RNF207: variants seen among roughly 807,000 people sequenced by gnomAD.
RNF207 encodes the protein ring finger protein 207, also known as OTTHUMG00000001089.
In RNF207, 72 loss-of-function variants were observed where a neutral mutation model predicts 79.0. That is an observed-to-expected ratio of 0.91 (90% CI 0.75 to 1.11). RNF207 has a LOEUF of 1.11. Ranked by LOEUF, RNF207 falls within the 50% of genes least tolerant of loss-of-function variation. The pLI is 0.00. For synonymous variants in RNF207, 348 were observed against 366.2 expected (o/e 0.95, Z 0.57); for missense variants, 936 against 855.8 (o/e 1.09, Z -1.17).
Position 6,214,149 on chromosome 1 carries a change from C to T in RNF207, c.1652+966C>T, listed in dbSNP as rs943985380. ...GAAATTCTAGATTGGGAAGGATTCTCCTTCAAAGGCATCGCTCTCTCGCTT... is the reference window on the plus strand; with the variant it reads ...GAAATTCTAGATTGGGAAGGATTCTTCTTCAAAGGCATCGCTCTCTCGCTT... On this transcript the variant is annotated intron_variant, in intron 16 of 17. Coordinates refer to ENST00000377939, the MANE Select transcript of RNF207 (RefSeq NM_207396.3). Among the ~76,000 whole-genome samples, 14 of 152,210 alleles carry T rather than the reference C, an allele frequency of 9.2e-5. 1 individual carries two copies. The highest frequency in any genetic ancestry group is 9.2e-4 in the Admixed American group (14 of 15,278).
intron 16 of RNF207, among the ~76,000 whole-genome samples, chr1:6,216,954 C>T (rs1287194775): frequency 6.6e-6 from 1 of 151,964 alleles, no homozygotes; most frequent in South Asian, 2.1e-4. Flanking sequence ...ACTGCAGCCG[C>T]GATCTCCCAG....
In RNF207 at chr1:6,210,514, G is replaced by A; in HGVS notation, c.942+76G>A. On this transcript the variant is annotated intron_variant, in intron 10 of 17. Coordinates refer to ENST00000377939, the MANE Select transcript of RNF207 (RefSeq NM_207396.3). ...CTGCAGACCAAAGCCACCAACTCAGGGGTGGGCAGCCTGTCACCTGGAGCC... is the reference window on the plus strand; with the variant it reads ...CTGCAGACCAAAGCCACCAACTCAGAGGTGGGCAGCCTGTCACCTGGAGCC... 1.2e-5 allele frequency: 14 copies of A among 1,202,604 alleles called. No individual in the cohort carries two copies. In the South Asian group the frequency reaches 1.8e-4, roughly 16 times the overall value. The allele number at this position is 1,202,604 out of a possible 1,614,324, so 74.5% of individuals were successfully genotyped here. A position where few individuals can be genotyped will look rare whatever the true frequency, so the allele number is the denominator to read the frequency against.
At position 6,211,086 on chromosome 1, in the gene RNF207, T is replaced by A; in HGVS notation, c.1077T>A (p.Arg359=). ...AGCCACTGCTGCTGCTGGGGCCACGTCGGGTGGCAGCTGCTGCAAGTGGTG... is the reference window on the plus strand; with the variant it reads ...AGCCACTGCTGCTGCTGGGGCCACGACGGGTGGCAGCTGCTGCAAGTGGTG... ...CLEPLLLLGP[R]RVAAAASGAN... is the part of the protein sequence containing the mutation. Residue 359 remains arginine (R), a synonymous_variant, in exon 12 of 18, where the codon CGT becomes CGA. Coordinates refer to ENST00000377939, the MANE Select transcript of RNF207 (RefSeq NM_207396.3). This position sits in a 1 kb window ranked among gnomAD's most constrained non-coding sequence, Gnocchi z 4.2. 3 of 1,603,092 alleles carry A rather than the reference T, an allele frequency of 1.9e-6. No homozygotes were observed. The highest frequency in any genetic ancestry group is 2.5e-6 in the Non-Finnish European group (3 of 1,178,368).
chr1:6,211,152 C>T lies in RNF207; in HGVS notation c.1109+34C>T. On this transcript the variant is annotated intron_variant, in intron 12 of 17. Transcript: ENST00000377939. This position sits in a 1 kb window ranked among gnomAD's most constrained non-coding sequence, Gnocchi z 4.2. ...CAACCGGGGAGGCCAGGCACAAGGT[C>T]CCCAACACTGGGGTGTGGGGGAGGG... 2 of 1,460,046 alleles carry T rather than the reference C, an allele frequency of 1.4e-6. No homozygotes were observed. Among genetic ancestry groups the T allele is most frequent in the Non-Finnish European group, 9.3e-7 (1 of 1,076,724 alleles). The allele number at this position is 1,460,046 out of a possible 1,614,324, so 90.4% of individuals were successfully genotyped here.
intron 1 of RNF207, 46 bp downstream of exon 1, chr1:6,206,348 C>T (rs942298467): frequency 4.1e-5 from 24 of 579,170 alleles, no homozygotes; most frequent in African/African-American, 3.4e-4. Flanking sequence ...TGCCTGTTCT[C>T]CCTGCGCCGG....
At position 6,218,310 on chromosome 1, in the gene RNF207, GCAGT is replaced by G. The variant is rs769136472; in HGVS notation, c.1678_1681del (p.Ser560ArgfsTer50). ...CCAGGTTTCAGGCACCCGTGGATGA[GCAGT>G]CAGAGAGTCTACAGAACACGCACGA... is the stretch of plus-strand genomic sequence containing the variant. On this transcript the variant is annotated frameshift_variant, in exon 17 of 18. Transcript: ENST00000377939. LOFTEE classifies it high-confidence loss of function. 2.2e-5 allele frequency: 35 copies of G among 1,613,918 alleles called. No individual in the cohort carries two copies. The highest frequency in any genetic ancestry group is 2.8e-5 in the Non-Finnish European group (33 of 1,179,888).
At position 6,209,909 on chromosome 1, in the gene RNF207, C is replaced by A. The variant is rs371543747; in HGVS notation, c.754-15C>A. On this transcript the variant is annotated splice_polypyrimidine_tract_variant and intron_variant, in intron 7 of 17. Transcript: ENST00000377939. ...CTGGGGCGCAAATCAAGAGCATGCTCGCCATCTCTCCCAGGACAGGCTGGC... is the reference window on the plus strand; with the variant it reads ...CTGGGGCGCAAATCAAGAGCATGCTAGCCATCTCTCCCAGGACAGGCTGGC... 1.5e-5 allele frequency: 23 copies of A among 1,573,948 alleles called. No individual in the cohort carries two copies. The South Asian group carries it at 2.5e-4, about 17-fold the overall frequency.
chr1:6,207,302 G>C lies in RNF207; in HGVS notation c.192-77G>C. 1.4e-6 allele frequency: 2 copies of C among 1,441,938 alleles called. No individual in the cohort carries two copies. The highest frequency in any genetic ancestry group is 1.4e-5 in the South Asian group (1 of 70,712). The allele number at this position is 1,441,938 out of a possible 1,614,324, so 89.3% of individuals were successfully genotyped here. ...CCCAACACAGCTATTTTTAGCTCCA[G>C]CCTGGAATGTGAGGGGTGGGGGTGG... On this transcript the variant is annotated intron_variant, in intron 2 of 17. Transcript: ENST00000377939. This position sits in a 1 kb window ranked among gnomAD's most constrained non-coding sequence, Gnocchi z 4.5.
chr1:6,207,323 G>T lies in RNF207; in HGVS notation c.192-56G>T. 6.7e-7 allele frequency: 1 copy of T among 1,492,096 alleles called. No individual in the cohort carries two copies. 92.4% of individuals were successfully genotyped at this position (1,492,096 alleles called of 1,614,324 possible). A position where few individuals can be genotyped will look rare whatever the true frequency, so the allele number is the denominator to read the frequency against. The stretch of plus-strand genomic sequence containing the variant: ...TCCAGCCTGGAATGTGAGGGGTGGG[G>T]GTGGGGAGCCCTGGGGAAGGGGTAT... On this transcript the variant is annotated intron_variant, in intron 2 of 17. Coordinates refer to ENST00000377939, the MANE Select transcript of RNF207 (RefSeq NM_207396.3). The surrounding 1 kb of genome is among the most constrained non-coding windows in gnomAD (Gnocchi z 4.5).
intron 14 of RNF207, 39 bp downstream of exon 14, chr1:6,212,455 C>T (rs779942716): frequency 1.3e-6 from 2 of 1,555,944 alleles, no homozygotes; most frequent in East Asian, 2.2e-5. Context: ...CCCCACCTGT[C>T]AGGGGATACC....
rs1177957543 is a variant in RNF207 at position 6,219,384 on chromosome 1, A to C, written c.1882A>C (p.Thr628Pro). The C allele has an allele frequency of 6.2e-7, 1 of 1,608,560 alleles. No individual in the cohort carries two copies. Among genetic ancestry groups the C allele is most frequent in the East Asian group, 2.2e-5 (1 of 44,816 alleles). The change falls in exon 18 of 18, where the codon ACA (threonine) becomes CCA (proline). Residue 628 changes from threonine to proline, a missense_variant. Thr to Pro is a conservative substitution (Grantham distance 38). Coordinates refer to ENST00000377939, the MANE Select transcript of RNF207 (RefSeq NM_207396.3). ...ACAGAAAAATGGGGGCGATGTCCCCACATGGAGGGAACACCCGACTTAGCA... is the reference window on the plus strand; with the variant it reads ...ACAGAAAAATGGGGGCGATGTCCCCCCATGGAGGGAACACCCGACTTAGCA... ...SKQKNGGDVP[T>P]WREHPT
Position 6,207,446 on chromosome 1 carries a change from G to A in RNF207, c.259G>A (p.Asp87Asn). 1.3e-6 allele frequency: 2 copies of A among 1,571,304 alleles called. No homozygotes were observed. The highest frequency in any genetic ancestry group is 1.7e-6 in the Non-Finnish European group (2 of 1,156,102). The change falls in exon 3 of 18, where the codon GAC becomes AAC. Residue 87 changes from aspartate (D) to asparagine (N), a missense_variant. Physicochemically the swap from Asp to Asn is conservative, Grantham distance 23 (BLOSUM62 1). Transcript: ENST00000377939. This position sits in a 1 kb window ranked among gnomAD's most constrained non-coding sequence, Gnocchi z 4.5. ...PVDRLLQFLVDSSGDGVEAVR... is the reference protein window; with the variant it reads ...PVDRLLQFLVNSSGDGVEAVR... ...GGACCGGCTGCTGCAGTTCCTGGTG[G>A]ACAGCTCAGGGGATGGCGTGGAGGC...
Position 6,209,323 on chromosome 1 carries a change from C to T in RNF207, c.607C>T (p.Arg203Trp). The change falls in exon 6 of 18, where the codon CGG (arginine) becomes TGG (tryptophan). Residue 203 changes from arginine to tryptophan, a missense_variant. Arg to Trp is a moderately radical substitution (Grantham distance 101). Transcript: ENST00000377939. ...LESAYVQGCE[R>W]LEQAVLAVKA... is the part of the protein sequence containing the mutation. ...ATCGGCTTACGTGCAGGGCTGCGAG[C>T]GGCTGGAGCAGGCGGTGCTGGTGAG... The T allele has an allele frequency of 6.5e-7, 1 of 1,546,156 alleles. No individual in the cohort carries two copies. Among genetic ancestry groups the T allele is most frequent in the Non-Finnish European group, 8.7e-7 (1 of 1,146,546 alleles).
Sources: allele counts gnomAD v4.1 joint callset (sites outside exome capture counted in the v4.1 genomes callset), GRCh38; gene constraint gnomAD v4.1.1; non-coding constraint Gnocchi (gnomAD v3.1); transcripts MANE v1.5; gene names NCBI Gene and HGNC (gene_info 2026-07-23, HGNC 2026-07-21).